SHROOM2: variants seen among roughly 807,000 people sequenced by gnomAD.
The protein encoded by SHROOM2 is shroom family member 2, also known as protein Shroom2.
A neutral mutation model predicts 75.9 loss-of-function variants in SHROOM2; 33 were observed. That is an observed-to-expected ratio of 0.43 (90% CI 0.33 to 0.58). The LOEUF is 0.58. SHROOM2 is among the 20% of genes least tolerant of loss of function. The pLI, the probability that SHROOM2 is intolerant of heterozygous loss-of-function variation, is 0.04. For missense variants in SHROOM2, 1,434 were observed against 1,461.2 expected, an observed-to-expected ratio of 0.98 and a Z score of 0.30; for synonymous variants, 655 against 663.6, an observed-to-expected ratio of 0.99 and a Z score of 0.20.
At chrX:9,870,864 A>G (rs1229250618) in intron 1 of SHROOM2, among the ~76,000 whole-genome samples, 1 of 112,576 alleles carries the variant, frequency 8.9e-6, no homozygotes, top group Non-Finnish European at 1.9e-5. Flanking sequence ...TCGTGACTAT[A>G]ATTAATAGCA....
chrX:9,916,454 T>C (rs988707546), intron 5 of SHROOM2, among the ~76,000 whole-genome samples: 1 of 111,909 alleles, frequency 8.9e-6, no homozygotes, highest in Non-Finnish European at 1.9e-5. Context: ...TGCTCTTCCA[T>C]GTTGATTTCC....
At chrX:9,915,480 T>G (rs899739963) in intron 5 of SHROOM2, among the ~76,000 whole-genome samples, 18 of 112,159 alleles carry the variant, frequency 1.6e-4, no homozygotes, top group African/African-American at 5.8e-4. Flanking sequence ...CTAAGCCTAC[T>G]TCGGTCTTCT....
At chrX:9,921,422 A>C in intron 5 of SHROOM2, among the ~76,000 whole-genome samples, 1 of 110,247 alleles carries the variant, frequency 9.1e-6, no homozygotes. Flanking sequence ...AAACGGATCC[A>C]TCACCTCCAA....
At chrX:9,809,542 A>G (rs1229330753) in intron 1 of SHROOM2, among the ~76,000 whole-genome samples, 2 of 112,552 alleles carry the variant, frequency 1.8e-5, no homozygotes, top group African/African-American at 6.5e-5. Context: ...ATAATCTTCA[A>G]GTAAAGACAA....
At chrX:9,933,517 T>C (rs1018384482) in intron 6 of SHROOM2, among the ~76,000 whole-genome samples, 4 of 111,999 alleles carry the variant, frequency 3.6e-5, no homozygotes, top group African/African-American at 1.3e-4. Flanking sequence ...ACGCCTGTAA[T>C]CCCAGCACGT....
At chrX:9,830,903 T>C (rs1264691603) in intron 1 of SHROOM2, among the ~76,000 whole-genome samples, 2 of 112,086 alleles carry the variant, frequency 1.8e-5, no homozygotes, top group African/African-American at 3.2e-5. Flanking sequence ...CTTAGATAAC[T>C]GTCCAGCCTG....
At chrX:9,826,159 C>G (rs747828665) in intron 1 of SHROOM2, among the ~76,000 whole-genome samples, 2 of 112,398 alleles carry the variant, frequency 1.8e-5, no homozygotes, top group South Asian at 7.3e-4. Context: ...CTGTCCAGTT[C>G]TGGTTCTCAG....
At chrX:9,900,646 G>A (rs975636136) in intron 5 of SHROOM2, among the ~76,000 whole-genome samples, 16 of 111,799 alleles carry the variant, frequency 1.4e-4, no homozygotes, top group African/African-American at 5.2e-4. Flanking sequence ...AGACAAGTAG[G>A]GCAGATTGAA....
intron 5 of SHROOM2, among the ~76,000 whole-genome samples, chrX:9,907,995 T>C (rs1191975964): frequency 8.9e-6 from 1 of 112,751 alleles, no homozygotes; most frequent in Admixed American, 9.3e-5. Flanking sequence ...CTTACATGAG[T>C]GTGCTTCCAG....
chrX:9,836,168 G>A (rs1376874904), intron 1 of SHROOM2, among the ~76,000 whole-genome samples: 2 of 112,117 alleles, frequency 1.8e-5, no homozygotes, highest in African/African-American at 6.5e-5. Context: ...GTCTTTGCAC[G>A]GTGCAGTGGG....
In SHROOM2 at chrX:9,872,264, A is replaced by T. The variant is rs147431774; in HGVS notation, c.166-1388A>T. On this transcript the variant is annotated intron_variant, in intron 1 of 9. Coordinates refer to ENST00000380913, the MANE Select transcript of SHROOM2 (RefSeq NM_001649.4). Reference sequence around the variant, plus strand: ...TTACTGTATAGGAAAATCTAGGTTAATAAAAGTTACAGAATGTAGGCCGCG... The same window carrying T: ...TTACTGTATAGGAAAATCTAGGTTATTAAAAGTTACAGAATGTAGGCCGCG... Among the ~76,000 whole-genome samples, 83 of 112,940 alleles carry T rather than the reference A, an allele frequency of 7.3e-4. 1 individual carries two copies. The South Asian group carries it at 7.6e-3, about 10-fold the overall frequency.
chrX:9,934,926 C>G (rs1482941357), intron 6 of SHROOM2, among the ~76,000 whole-genome samples: 1 of 110,896 alleles, frequency 9.0e-6, no homozygotes, highest in Non-Finnish European at 1.9e-5. Flanking sequence ...GCACCTGCCA[C>G]CACACCAGGC....
Position 9,786,438 on chromosome X carries a change from C to T in SHROOM2, c.-108C>T, listed in dbSNP as rs1240702726. ...CCGCCGCCGGGCCGGCACTTTCTTT[C>T]CAAGTTACGGCGCAAGTTCTGCGGC... On this transcript the variant is annotated 5_prime_UTR_variant, in exon 1 of 10. Transcript: ENST00000380913. 1.7e-5 allele frequency: 11 copies of T among 632,439 alleles called. No homozygotes were observed. The highest frequency in any genetic ancestry group is 1.7e-4 in the African/African-American group (7 of 41,565). The allele number at this position is 632,439 out of a possible 1,213,427, so 52.1% of individuals were successfully genotyped here. A position where few individuals can be genotyped will look rare whatever the true frequency, so the allele number is the denominator to read the frequency against.
chrX:9,824,214 A>G (rs934397938), intron 1 of SHROOM2, among the ~76,000 whole-genome samples: 2 of 109,302 alleles, frequency 1.8e-5, no homozygotes, highest in African/African-American at 6.7e-5. Flanking sequence ...TGGGTGGATC[A>G]CCTGAGGTCA....
intron 5 of SHROOM2, among the ~76,000 whole-genome samples, chrX:9,907,079 C>T (rs754668349): frequency 3.2e-4 from 35 of 111,073 alleles, no homozygotes; most frequent in African/African-American, 1.0e-3. Flanking sequence ...ACTGTCCCAC[C>T]GGACCCAGCA....
At chrX:9,787,778 G>T (rs1343871698) in intron 1 of SHROOM2, among the ~76,000 whole-genome samples, 4 of 111,589 alleles carry the variant, frequency 3.6e-5, no homozygotes. Context: ...TTTGTGGAGG[G>T]ATTTGGAGAA....
chrX:9,910,088 A>G (rs1214909148), intron 5 of SHROOM2, among the ~76,000 whole-genome samples: 1 of 110,461 alleles, frequency 9.1e-6, no homozygotes, highest in Non-Finnish European at 1.9e-5. Flanking sequence ...GTTAGGTTTC[A>G]ACATAGGAAT....
In SHROOM2 at chrX:9,835,411, C is replaced by G. The variant is rs187998388; in HGVS notation, c.166-38241C>G. ...GCAAGAGCAGCAGCAGCGTCATCCC[C>G]TTGGAAGCACATTAGAATGCAGGGC... On this transcript the variant is annotated intron_variant, in intron 1 of 9. Coordinates refer to ENST00000380913, the MANE Select transcript of SHROOM2 (RefSeq NM_001649.4). 5.3e-5 allele frequency among the ~76,000 whole-genome samples: 6 copies of G among 112,591 alleles called. No individual in the cohort carries two copies. The East Asian group carries it at 1.7e-3, about 31-fold the overall frequency.
chrX:9,913,169 C>T (rs143081298), intron 5 of SHROOM2: 5 of 112,034 alleles, frequency 4.5e-5, no homozygotes, highest in African/African-American at 1.6e-4. Flanking sequence ...TTTTCAGTAG[C>T]AGTAAGAAAC....
Sources: allele counts gnomAD v4.1 joint callset (sites outside exome capture counted in the v4.1 genomes callset), GRCh38; gene constraint gnomAD v4.1.1; transcripts MANE v1.5; gene names NCBI Gene and HGNC (gene_info 2026-07-23, HGNC 2026-07-21).